Variants in CCDC7 observed in about 807,000 individuals in gnomAD.
CCDC7 encodes coiled-coil domain-containing protein 7.
A neutral mutation model predicts 196.9 loss-of-function variants in CCDC7; 183 were observed. That is an observed-to-expected ratio of 0.93 (90% CI 0.82 to 1.05). CCDC7 has a LOEUF of 1.05. CCDC7 is among the 50% of genes least tolerant of loss of function. The pLI, the probability that CCDC7 is intolerant of heterozygous loss-of-function variation, is 0.00. For synonymous variants in CCDC7, 525 were observed against 484.6 expected (o/e 1.08, Z -1.10); for missense variants, 1,540 against 1,482.2 (o/e 1.04, Z -0.64).
chr10:32,612,935 C>T (rs1418569907), intron 18 of CCDC7, among the ~76,000 whole-genome samples: 1 of 151,686 alleles, frequency 6.6e-6, no homozygotes, highest in Non-Finnish European at 1.5e-5. Context: ...ATGCTGACCT[C>T]ATAAAATGAG....
At chr10:32,623,722 G>T (rs1196435136) in intron 18 of CCDC7, 1 of 469,498 alleles carries the variant, frequency 2.1e-6, no homozygotes, top group East Asian at 7.0e-5. Context: ...TCTGTAGGCA[G>T]TACAAGAAAC....
downstream of CCDC7, chr10:32,876,469 A>T: frequency 7.2e-7 from 1 of 1,396,472 alleles, no homozygotes. Flanking sequence ...CAAGTATAGA[A>T]GCCTTTTGAA....
chr10:32,555,961 G>C (rs1290089290), intron 13 of CCDC7, among the ~76,000 whole-genome samples: 31 of 152,136 alleles, frequency 2.0e-4, no homozygotes, highest in Admixed American at 2.0e-3. Context: ...GTAGTTTAAA[G>C]AAGGATCCCT....
chr10:32,615,227 A>G (rs1028481459), intron 18 of CCDC7, among the ~76,000 whole-genome samples: 4 of 152,020 alleles, frequency 2.6e-5, no homozygotes, highest in Admixed American at 6.6e-5. Flanking sequence ...TGTTATTTCT[A>G]TTTTTACTTC....
At chr10:32,536,678 A>T (rs1418654641) in intron 11 of CCDC7, among the ~76,000 whole-genome samples, 4 of 152,006 alleles carry the variant, frequency 2.6e-5, no homozygotes, top group Non-Finnish European at 5.9e-5. Context: ...CTCCACTCTC[A>T]AGTAGGCCCC....
chr10:32,662,429 A>G (rs2071675538), intron 20 of CCDC7, among the ~76,000 whole-genome samples: 1 of 152,180 alleles, frequency 6.6e-6, no homozygotes, highest in South Asian at 2.1e-4. Flanking sequence ...CTATTTGACC[A>G]TCTTGCTCCA....
chr10:32,846,566 A>G (rs916435685), intron 37 of CCDC7, 107 bp downstream of exon 38: 16 of 619,446 alleles, frequency 2.6e-5, no homozygotes, highest in Non-Finnish European at 3.7e-5. Flanking sequence ...TTAGTGTTAC[A>G]TAGGTAAAAT....
At chr10:32,445,264 G>C (rs1179883053), upstream of CCDC7, among the ~76,000 whole-genome samples, 1 of 152,138 alleles carries the variant, frequency 6.6e-6, no homozygotes, top group East Asian at 1.9e-4. Context: ...GTAACTCCTA[G>C]TGGTGTGATG....
intron 29 of CCDC7, 100 bp downstream of exon 30, chr10:32,779,184 A>G: frequency 1.2e-6 from 1 of 853,880 alleles, no homozygotes; most frequent in South Asian, 2.1e-5. Context: ...TCAAAGAAGG[A>G]GTAGTCTTTC....
chr10:32,486,757 G>A lies in CCDC7; in HGVS notation c.797-5165G>A, dbSNP rs554171122. 2.7e-5 allele frequency among the ~76,000 whole-genome samples: 4 copies of A among 149,006 alleles called. No homozygotes were observed. The South Asian group carries it at 8.8e-4, about 33-fold the overall frequency. ...ATTTCTCCTTCACTTATGAAGCTTA[G>A]TTTGGCTGGATATGAGATTCTGGGT... is the stretch of plus-strand genomic sequence containing the variant. On this transcript the variant is annotated intron_variant, in intron 8 of 41. Transcript: ENST00000639629.
At chr10:32,508,931 C>CTT (rs1402391632) in intron 9 of CCDC7, among the ~76,000 whole-genome samples, 1 of 81,110 alleles carries the variant, frequency 1.2e-5, no homozygotes, top group Non-Finnish European at 2.3e-5. Flanking sequence ...CTGTGCCTGG[C>CTT]ATTTTTTTTT....
intron 20 of CCDC7, among the ~76,000 whole-genome samples, chr10:32,649,748 A>T (rs1206039870): frequency 6.6e-6 from 1 of 152,184 alleles, no homozygotes; most frequent in Non-Finnish European, 1.5e-5. Flanking sequence ...GACTGAGTTG[A>T]TTCATAGAAC....
At chr10:32,471,728 C>CT (rs1564376231) in intron 6 of CCDC7, among the ~76,000 whole-genome samples, 1 of 152,122 alleles carries the variant, frequency 6.6e-6, no homozygotes, top group South Asian at 2.1e-4. Flanking sequence ...ATAAAACATT[C>CT]TTTTTTTGTG....
chr10:32,679,567 A>G (rs1439990945), intron 21 of CCDC7, among the ~76,000 whole-genome samples: 11 of 152,202 alleles, frequency 7.2e-5, no homozygotes, highest in Admixed American at 7.2e-4. Context: ...GTTTGATCAG[A>G]GAGAGCCAGA....
intron 11 of CCDC7, among the ~76,000 whole-genome samples, chr10:32,520,372 C>T (rs1159939025): frequency 1.3e-5 from 2 of 152,144 alleles, no homozygotes; most frequent in Admixed American, 1.3e-4. Context: ...ACATCATCCC[C>T]AGCATGTGTT....
At position 32,782,198 on chromosome 10, in the gene CCDC7, C is replaced by T. The variant is rs1592701876; in HGVS notation, c.3013+3114C>T. Among the ~76,000 whole-genome samples the T allele has an allele frequency of 5.3e-5, 8 of 150,776 alleles. No individual in the cohort carries two copies. The South Asian group carries it at 1.7e-3, about 32-fold the overall frequency. On this transcript the variant is annotated intron_variant, in intron 29 of 41. Coordinates refer to ENST00000639629, the Ensembl canonical transcript of CCDC7. ...AATAAATGGAAAGACATCTCATGTT[C>T]ATGGATTAGAAGATAACTTGTTTTT...
Position 32,617,653 on chromosome 10 carries a change from C to T in CCDC7, c.1802-16601C>T, listed in dbSNP as rs111436330. On this transcript the variant is annotated intron_variant, in intron 18 of 41. Coordinates refer to ENST00000639629, the Ensembl canonical transcript of CCDC7. Reference sequence around the variant, plus strand: ...TATTCCACTGTAGTCTGAGAAGACACTTGATATGATTTCGATTTTTGAAAA... The same window carrying T: ...TATTCCACTGTAGTCTGAGAAGACATTTGATATGATTTCGATTTTTGAAAA... Among the ~76,000 whole-genome samples, 162 of 151,998 alleles carry T rather than the reference C, an allele frequency of 1.1e-3. 1 individual carries two copies. Among genetic ancestry groups the T allele is most frequent in the Non-Finnish European group, 2.0e-3 (135 of 67,836 alleles).
At chr10:32,548,975 AAGGAATCTCTAC>A (rs1407703198) in intron 13 of CCDC7, among the ~76,000 whole-genome samples, 3 of 152,100 alleles carry the variant, frequency 2.0e-5, no homozygotes, top group Non-Finnish European at 4.4e-5. Context: ...TTAGTTCTTT[AAGGAATCTCTAC>A]ACCGTTTTCC....
intron 13 of CCDC7, among the ~76,000 whole-genome samples, chr10:32,561,185 A>G (rs2055536042): frequency 6.6e-6 from 1 of 152,216 alleles, no homozygotes; most frequent in African/African-American, 2.4e-5. Context: ...AGTGACCTAG[A>G]AAGAGACTTA....
Sources: allele counts gnomAD v4.1 joint callset (sites outside exome capture counted in the v4.1 genomes callset), GRCh38; gene constraint gnomAD v4.1.1; transcripts MANE v1.5; gene names NCBI Gene and HGNC (gene_info 2026-07-23, HGNC 2026-07-21).